The following KIF1B variants were observed in gnomAD, a reference collection of about 807,000 sequenced individuals.
KIF1B encodes the protein kinesin-like protein KIF1B.
A neutral mutation model predicts 241.9 loss-of-function variants in KIF1B; 76 were observed. The observed-to-expected ratio is 0.31, with a 90% CI of 0.26 to 0.38. KIF1B has a LOEUF of 0.38. Among genes scored for constraint, KIF1B ranks in the 10% least tolerant of loss-of-function variants. KIF1B has a pLI of 1.00. For missense variants in KIF1B, 1,622 were observed against 2,271.4 expected, an observed-to-expected ratio of 0.71 and a Z score of 5.81; for synonymous variants, 750 against 796.7, an observed-to-expected ratio of 0.94 and a Z score of 0.99.
intron 4 of KIF1B, among the ~76,000 whole-genome samples, chr1:10,261,351 A>G (rs1468075445): frequency 6.6e-6 from 1 of 150,416 alleles, no homozygotes; most frequent in Admixed American, 6.6e-5. Flanking sequence ...GCTCACTGCA[A>G]CCTCCGCCTC....
rs760502291 is a variant in KIF1B at position 10,303,206 on chromosome 1, G to A, written c.2115+5960G>A. 1.9e-6 allele frequency: 3 copies of A among 1,614,102 alleles called. No individual in the cohort carries two copies. The highest frequency in any genetic ancestry group is 1.1e-5 in the South Asian group (1 of 91,078). ...GGGGACGATTCTGACAAGAGGTCGT[G>A]TGAAGAGAGCTGGAAACTGATTACT... On this transcript the variant is annotated intron_variant, in intron 22 of 48. Transcript: ENST00000676179. The surrounding 1 kb of genome is among the most constrained non-coding windows in gnomAD (Gnocchi z 5.2).
Position 10,343,682 on chromosome 1 carries a change from G to A in KIF1B, c.3688+395G>A, listed in dbSNP as rs190710103. Among the ~76,000 whole-genome samples the A allele has an allele frequency of 4.1e-3, 625 of 152,182 alleles. 15 individuals carry two copies. Among genetic ancestry groups the A allele is most frequent in the East Asian group, 0.022 (116 of 5,170 alleles). On this transcript the variant is annotated intron_variant, in intron 34 of 48. Coordinates refer to ENST00000676179, the MANE Select transcript of KIF1B (RefSeq NM_001365951.3). ...CTGAGGTAGGAGAATCGCTTGAACC[G>A]GGGAGGTGGAGGTTGCAGTGAGCTG...
chr1:10,312,114 T>G lies in KIF1B; in HGVS notation c.2116-7929T>G, dbSNP rs545360921. On this transcript the variant is annotated intron_variant, in intron 22 of 48. Coordinates refer to ENST00000676179, the MANE Select transcript of KIF1B (RefSeq NM_001365951.3). ...TCCAGCCTGGGCCCCTACCCTGAGC[T>G]CTAGATGCTGATGATACACAACTAC... 3.3e-3 allele frequency among the ~76,000 whole-genome samples: 436 copies of G among 133,274 alleles called. 5 individuals are homozygous for G. Among genetic ancestry groups the G allele is most frequent in the South Asian group, 0.014 (58 of 4,284 alleles). The allele number at this position is 133,274 out of a possible 152,430, so 87.4% of individuals were successfully genotyped here.
chr1:10,219,183 C>T (rs929860074), intron 1 of KIF1B, among the ~76,000 whole-genome samples: 2 of 152,152 alleles, frequency 1.3e-5, no homozygotes, highest in African/African-American at 2.4e-5. Context: ...TACGTACGGC[C>T]GGGCGCGGTG....
At position 10,323,952 on chromosome 1, in the gene KIF1B, T is replaced by G. The variant is rs759074305; in HGVS notation, c.2427T>G (p.Thr809=). Residue 809 remains threonine (T), a synonymous_variant, in exon 25 of 49, where the codon ACT becomes ACG. Transcript: ENST00000676179. ...CTTTGCCTCCTGAATTACTTCCCAC[T>G]GAGATGGAAAAAACTCATGAGGACA... ...YSPLPPELLP[T]EMEKTHEDRP... 1 of 1,614,120 alleles carries G rather than the reference T, an allele frequency of 6.2e-7. No individual in the cohort carries two copies. Among genetic ancestry groups the G allele is most frequent in the Non-Finnish European group, 8.5e-7 (1 of 1,179,962 alleles).
chr1:10,281,138 A>G (rs1285259537), intron 14 of KIF1B, among the ~76,000 whole-genome samples: 1 of 152,218 alleles, frequency 6.6e-6, no homozygotes, highest in Non-Finnish European at 1.5e-5. Context: ...TTAATTAAAT[A>G]GTAGAGATGA....
In KIF1B at chr1:10,279,077, T is replaced by A; in HGVS notation, c.1181-20T>A. 6.5e-7 allele frequency: 1 copy of A among 1,540,638 alleles called. No individual in the cohort carries two copies. Among genetic ancestry groups the A allele is most frequent in the South Asian group, 1.2e-5 (1 of 83,664 alleles). ...CTGAACTTTGACCCTTCTCGTATTT[T>A]CCCTCCTGCTTACCTTCAGTTGATC... On this transcript the variant is annotated intron_variant, in intron 13 of 48. Coordinates refer to ENST00000676179, the MANE Select transcript of KIF1B (RefSeq NM_001365951.3).
rs985819179 is a variant in KIF1B, at chr1:10,295,685, C to T, written c.1696C>T (p.Arg566Cys). The T allele has an allele frequency of 1.9e-6, 3 of 1,613,692 alleles. No individual in the cohort carries two copies. Among genetic ancestry groups the T allele is most frequent in the African/African-American group, 1.3e-5 (1 of 75,022 alleles). The change falls in exon 19 of 49, where the codon CGC (arginine) becomes TGC (cysteine). Residue 566 changes from arginine (R) to cysteine (C), a missense_variant. Arg to Cys is a radical substitution (Grantham distance 180). Transcript: ENST00000676179. ...TRVGQADAER[R>C]QDIVLSGAHI... ...GGTTGGCCAAGCAGATGCTGAGCGG[C>T]GCCAGGACATAGTGCTGAGCGGGGC...
intron 22 of KIF1B, chr1:10,305,638 A>G (rs1418848818): frequency 9.5e-7 from 1 of 1,056,722 alleles, no homozygotes; most frequent in Non-Finnish European, 1.1e-6. Context: ...AGGAGATGAT[A>G]CATAATAAAC....
chr1:10,287,036 C>T (rs1201071407), intron 15 of KIF1B, among the ~76,000 whole-genome samples: 2 of 152,176 alleles, frequency 1.3e-5, no homozygotes, highest in African/African-American at 4.8e-5. Flanking sequence ...CTGTTTTGCA[C>T]TTGGCTTCCC....
At chr1:10,217,343 CTTTTTTT>C (rs769372780) in intron 1 of KIF1B, among the ~76,000 whole-genome samples, 2 of 131,992 alleles carry the variant, frequency 1.5e-5, no homozygotes, top group Admixed American at 8.0e-5. Flanking sequence ...CTTTCTTTTT[CTTTTTTT>C]TTTTTTTTTG....
intron 22 of KIF1B, among the ~76,000 whole-genome samples, chr1:10,313,573 T>C (rs1453385007): frequency 1.3e-4 from 17 of 127,664 alleles, no homozygotes; most frequent in East Asian, 1.1e-3. Context: ...TTTTTTGAGA[T>C]GGAGTCTCGC....
intron 11 of KIF1B, 65 bp downstream of exon 11, chr1:10,275,568 T>C (rs1298482721): frequency 4.3e-6 from 4 of 930,208 alleles, no homozygotes; most frequent in Non-Finnish European, 7.2e-6. Context: ...TGGTTAATTG[T>C]CCTGTGTCTG....
chr1:10,304,919 C>T, intron 22 of KIF1B: 1 of 1,307,970 alleles, frequency 7.6e-7, no homozygotes, highest in Non-Finnish European at 9.8e-7. Context: ...AATTAATATA[C>T]TTACTTACAC....
At chr1:10,305,561 T>C (rs1650789031) in intron 22 of KIF1B, 1 of 1,059,206 alleles carries the variant, frequency 9.4e-7, no homozygotes, top group African/African-American at 1.6e-5. Flanking sequence ...GGCTCTGTGG[T>C]GCTGCTTTTT....
chr1:10,256,357 C>T, intron 3 of KIF1B, 34 bp downstream of exon 3: 3 of 1,399,218 alleles, frequency 2.1e-6, no homozygotes, highest in Non-Finnish European at 3.0e-6. Context: ...CTGCCAGCTC[C>T]TGCCTCCTTT....
chr1:10,214,674 C>G (rs908409807), intron 1 of KIF1B, among the ~76,000 whole-genome samples: 1 of 151,462 alleles, frequency 6.6e-6, no homozygotes, highest in African/African-American at 2.4e-5. Context: ...CCTCCACCTC[C>G]TGGGTTCAAG....
intron 28 of KIF1B, among the ~76,000 whole-genome samples, 188 bp from the exon 29 acceptor site, chr1:10,336,469 A>C (rs1227003469): frequency 1.3e-5 from 2 of 152,184 alleles, no homozygotes; most frequent in East Asian, 3.8e-4. Flanking sequence ...TTTATTGACT[A>C]GTCTCATTTG....
chr1:10,268,251 TTCCA>T lies in KIF1B; in HGVS notation c.709_712del (p.Ser237LeufsTer12). The T allele has an allele frequency of 6.2e-7, 1 of 1,605,234 alleles. No homozygotes were observed. Among genetic ancestry groups the T allele is most frequent in the Non-Finnish European group, 8.5e-7 (1 of 1,171,856 alleles). On this transcript the variant is annotated frameshift_variant, in exon 7 of 49. Transcript: ENST00000676179. LOFTEE classifies it high-confidence loss of function. The stretch of plus-strand genomic sequence containing the variant: ...AGAAACACGATAATGAGACCAACCT[TTCCA>T]CTGAGAAGGTAGGAGAGTTTCAGTC...
Sources: gnomAD v4.1 joint callset for allele counts (sites outside exome capture counted in the v4.1 genomes callset) on GRCh38, gnomAD v4.1.1 for gene constraint, Gnocchi (gnomAD v3.1) non-coding constraint, MANE v1.5 for transcripts, NCBI Gene and HGNC (gene_info 2026-07-23, HGNC 2026-07-21) for gene names.